Variants in PDZD2 observed in about 807,000 individuals in gnomAD.
PDZD2 encodes PDZ domain-containing protein 2.
A neutral mutation model predicts 220.7 loss-of-function variants in PDZD2; 90 were observed. That is an observed-to-expected ratio of 0.41 (90% CI 0.34 to 0.49). The LOEUF (loss-of-function observed/expected upper bound fraction) is 0.49. Among genes scored for constraint, PDZD2 ranks in the 20% least tolerant of loss-of-function variants. The pLI, the probability that PDZD2 is intolerant of heterozygous loss-of-function variation, is 0.28. For missense variants in PDZD2, 3,174 were observed against 3,608.5 expected (o/e 0.88, Z 3.08); for synonymous variants, 1,375 against 1,450.5 (o/e 0.95, Z 1.18).
intron 2 of PDZD2, among the ~76,000 whole-genome samples, chr5:31,824,236 C>T (rs1181622184): frequency 6.6e-6 from 1 of 152,180 alleles, no homozygotes; most frequent in Non-Finnish European, 1.5e-5. Flanking sequence ...CCAGTCAACA[C>T]AAGCCCAGCC....
chr5:32,062,906 G>A (rs1739823702), intron 14 of PDZD2, among the ~76,000 whole-genome samples: 1 of 152,032 alleles, frequency 6.6e-6, no homozygotes, highest in African/African-American at 2.4e-5. Flanking sequence ...TAATACAGAT[G>A]GCTCCACGGG....
intron 2 of PDZD2, among the ~76,000 whole-genome samples, chr5:31,873,695 C>T (rs1484551225): frequency 2.0e-5 from 3 of 151,472 alleles, no homozygotes; most frequent in Non-Finnish European, 4.4e-5. Context: ...AGCCACTGCA[C>T]CCGGCCAGAA....
chr5:31,926,565 A>G (rs561041403), intron 2 of PDZD2, among the ~76,000 whole-genome samples: 1 of 152,176 alleles, frequency 6.6e-6, no homozygotes, highest in African/African-American at 2.4e-5. Context: ...AAGCTAAAAA[A>G]TAACAGACGC....
In PDZD2 at chr5:32,089,475, C is replaced by A. The variant is rs773197546; in HGVS notation, c.6027C>A (p.Pro2009=). The A allele has an allele frequency of 3.1e-6, 5 of 1,613,580 alleles. No individual in the cohort carries two copies. The South Asian group carries it at 4.4e-5, about 14-fold the overall frequency. ...SRFHMAVLSE[P]DRGCPTTPKS... is the part of the protein sequence containing the mutation. ...TCCACATGGCTGTCCTCTCTGAACCCGACAGAGGTTGCCCAACCACCCCTA... is the reference window on the plus strand; with the variant it reads ...TCCACATGGCTGTCCTCTCTGAACCAGACAGAGGTTGCCCAACCACCCCTA... The change falls in exon 20 of 25, where the codon CCC becomes CCA. Residue 2009 remains proline, a synonymous_variant. Transcript: ENST00000438447.
chr5:32,042,778 A>C (rs926099208), intron 7 of PDZD2, among the ~76,000 whole-genome samples: 19 of 152,126 alleles, frequency 1.2e-4, no homozygotes, highest in Admixed American at 8.5e-4. Context: ...ACAAAGAGAA[A>C]GTCATTTAAG....
intron 2 of PDZD2, among the ~76,000 whole-genome samples, chr5:31,947,533 T>C (rs113580960): frequency 0.018 from 2,758 of 152,320 alleles, 39 homozygotes; most frequent in Non-Finnish European, 0.029. Flanking sequence ...AAAGTTGATA[T>C]GAAAATCAAA....
intron 19 of PDZD2, among the ~76,000 whole-genome samples, chr5:32,082,819 G>A (rs1742099388): frequency 6.6e-6 from 1 of 152,178 alleles, no homozygotes. Context: ...TGTTGATTGT[G>A]AGGTCTGATT....
At chr5:31,983,040 C>A in intron 2 of PDZD2, 115 bp from the exon 3 acceptor site, 1 of 993,736 alleles carries the variant, frequency 1.0e-6, no homozygotes, top group South Asian at 1.6e-5. Flanking sequence ...AGCTCAATAC[C>A]TCAGTCCATC....
At chr5:31,822,761 T>C (rs6869511) in intron 2 of PDZD2, 856,242 of 1,085,154 alleles carry the variant, frequency 0.79, 344,283 homozygotes, top group African/African-American at 0.92. Context: ...CTCATCCAAA[T>C]CCTGCAGATG....
intron 1 of PDZD2, among the ~76,000 whole-genome samples, chr5:31,762,058 G>A (rs2150188086): frequency 6.6e-6 from 1 of 152,240 alleles, no homozygotes; most frequent in South Asian, 2.1e-4. Context: ...GATCTGGTGA[G>A]AACTCACTCT....
At chr5:31,774,335 G>T (rs1432262705) in intron 1 of PDZD2, among the ~76,000 whole-genome samples, 1 of 152,074 alleles carries the variant, frequency 6.6e-6, no homozygotes, top group Non-Finnish European at 1.5e-5. Context: ...AGAAGGGAAA[G>T]AAACCACCCC....
At chr5:31,905,521 G>C (rs1329615454) in intron 2 of PDZD2, among the ~76,000 whole-genome samples, 1 of 152,170 alleles carries the variant, frequency 6.6e-6, no homozygotes, top group Non-Finnish European at 1.5e-5. Context: ...CTGGGGTGGA[G>C]TTCAGTTTAC....
intron 18 of PDZD2, 32 bp downstream of exon 18, chr5:32,074,675 G>T (rs746980988): frequency 1.4e-6 from 2 of 1,420,240 alleles, no homozygotes; most frequent in Non-Finnish European, 1.9e-6. Flanking sequence ...ACTTGGAATG[G>T]AAGTGCATGA....
chr5:31,708,143 G>A (rs1747912980), intron 1 of PDZD2, among the ~76,000 whole-genome samples: 1 of 151,360 alleles, frequency 6.6e-6, no homozygotes, highest in South Asian at 2.1e-4. Context: ...TTCAATTTTG[G>A]TCTGGCGTTT....
intron 24 of PDZD2, among the ~76,000 whole-genome samples, chr5:32,102,009 G>T (rs1414403179): frequency 6.6e-6 from 1 of 151,602 alleles, no homozygotes; most frequent in African/African-American, 2.4e-5. Flanking sequence ...GCTAAGGATT[G>T]TTGTTTCTTT....
intron 1 of PDZD2, among the ~76,000 whole-genome samples, chr5:31,715,213 A>G (rs1362295551): frequency 6.6e-6 from 1 of 152,142 alleles, no homozygotes; most frequent in Non-Finnish European, 1.5e-5. Flanking sequence ...GGTCTCTGGT[A>G]GAGAGGGCTT....
chr5:31,772,978 G>A (rs1038536312), intron 1 of PDZD2, among the ~76,000 whole-genome samples: 2 of 152,098 alleles, frequency 1.3e-5, no homozygotes, highest in Non-Finnish European at 2.9e-5. Flanking sequence ...CTCCTGTCCC[G>A]GCTTTCTCAT....
intron 2 of PDZD2, among the ~76,000 whole-genome samples, chr5:31,817,443 C>T (rs1195486527): frequency 7.0e-6 from 1 of 142,572 alleles, no homozygotes; most frequent in Non-Finnish European, 1.5e-5. Flanking sequence ...CAGTGAGCTG[C>T]GACTGCACCA....
chr5:32,019,432 C>T (rs1236189989), intron 6 of PDZD2, among the ~76,000 whole-genome samples: 9 of 152,216 alleles, frequency 5.9e-5, no homozygotes, highest in Non-Finnish European at 1.2e-4. Flanking sequence ...GCGTGAGCCA[C>T]GTTTCCCAGC....
Sources: allele counts gnomAD v4.1 joint callset (sites outside exome capture counted in the v4.1 genomes callset), GRCh38; gene constraint gnomAD v4.1.1; transcripts MANE v1.5; gene names NCBI Gene and HGNC (gene_info 2026-07-23, HGNC 2026-07-21).